KLF12: variants seen among roughly 807,000 people sequenced by gnomAD.
The protein encoded by KLF12 is Krueppel-like factor 12.
KLF12 carries 9 observed loss-of-function variants against 37.8 expected under a neutral mutation model. The observed-to-expected ratio is 0.24, with a 90% CI of 0.14 to 0.42. KLF12 has a LOEUF of 0.42. KLF12 is among the 10% of genes least tolerant of loss of function. The pLI is 1.00. For missense variants in KLF12, 411 were observed against 516.0 expected (o/e 0.80, Z 1.97); for synonymous variants, 208 against 202.1 (o/e 1.03, Z -0.25).
At chr13:73,972,388 CA>C (rs1416456027) in intron 2 of KLF12, among the ~76,000 whole-genome samples, 3 of 151,882 alleles carry the variant, frequency 2.0e-5, no homozygotes, top group Non-Finnish European at 4.4e-5. Flanking sequence ...ATAAAATTAT[CA>C]ATACAATTGA....
the KLF12 span, among the ~76,000 whole-genome samples, chr13:74,214,947 A>C: frequency 6.6e-6 from 1 of 151,880 alleles, no homozygotes; most frequent in African/African-American, 2.4e-5. Context: ...GGTGCACACC[A>C]CCACACCTGG....
chr13:74,004,571 T>G (rs1892363299), intron 1 of KLF12, among the ~76,000 whole-genome samples: 1 of 152,188 alleles, frequency 6.6e-6, no homozygotes, highest in African/African-American at 2.4e-5. Flanking sequence ...TGGTATCTTT[T>G]TTTGTAGAAA....
intron 6 of KLF12, among the ~76,000 whole-genome samples, chr13:73,738,106 T>TAAAC (rs1223436241): frequency 9.4e-6 from 1 of 106,634 alleles, no homozygotes; most frequent in African/African-American, 4.2e-5. Context: ...TATATATATA[T>TAAAC]ATATATATAT....
intron 6 of KLF12, 112 bp downstream of exon 6, chr13:73,764,824 TAG>T (rs1290628374): frequency 1.7e-6 from 1 of 599,854 alleles, no homozygotes; most frequent in African/African-American, 1.9e-5. Context: ...ATAGTCCAGT[TAG>T]CAGGTATGTA....
At chr13:73,808,263 G>A (rs141067226) in intron 5 of KLF12, among the ~76,000 whole-genome samples, 357 of 152,104 alleles carry the variant, frequency 2.3e-3, no homozygotes, top group African/African-American at 8.2e-3. Context: ...CACTGAATAC[G>A]TGATTTTTGA....
chr13:74,005,107 T>G (rs1370668014), intron 1 of KLF12, among the ~76,000 whole-genome samples: 11 of 152,170 alleles, frequency 7.2e-5, no homozygotes. Context: ...AAAAAGTAAT[T>G]TATGCATAGT....
intron 1 of KLF12, among the ~76,000 whole-genome samples, chr13:74,113,106 T>C (rs1325603682): frequency 6.6e-6 from 1 of 151,582 alleles, no homozygotes; most frequent in African/African-American, 2.4e-5. Flanking sequence ...CCAAGGGAGG[T>C]GAGAAAGTTG....
the KLF12 span, among the ~76,000 whole-genome samples, chr13:74,154,641 A>C: frequency 2.6e-5 from 3 of 113,282 alleles, no homozygotes; most frequent in African/African-American, 8.4e-5. Context: ...GGGTTGTGGA[A>C]AATGATGTAC....
intron 2 of KLF12, among the ~76,000 whole-genome samples, chr13:73,982,635 T>A (rs900188471): frequency 3.3e-5 from 5 of 152,026 alleles, no homozygotes; most frequent in Non-Finnish European, 5.9e-5. Flanking sequence ...ATAAATACAC[T>A]TGGTATAGGA....
chr13:73,915,443 C>T (rs1027615454), intron 3 of KLF12, among the ~76,000 whole-genome samples: 5 of 152,074 alleles, frequency 3.3e-5, no homozygotes, highest in African/African-American at 4.8e-5. Flanking sequence ...CTGCCTGAGC[C>T]CCACACACAA....
At chr13:74,128,364 G>A (rs1395139780) in intron 1 of KLF12, among the ~76,000 whole-genome samples, 3 of 150,474 alleles carry the variant, frequency 2.0e-5, no homozygotes, top group Non-Finnish European at 4.4e-5. Flanking sequence ...GGAGGGCAGT[G>A]TGGGGGCGGT....
chr13:73,808,783 A>C (rs185913042), intron 5 of KLF12, among the ~76,000 whole-genome samples: 8 of 152,356 alleles, frequency 5.3e-5, no homozygotes, highest in Admixed American at 4.6e-4. Flanking sequence ...ATGAGGCAAG[A>C]CTATGAGCAA....
At chr13:73,807,346 A>G (rs1440878099) in intron 5 of KLF12, among the ~76,000 whole-genome samples, 1 of 152,100 alleles carries the variant, frequency 6.6e-6, no homozygotes, top group Admixed American at 6.5e-5. Flanking sequence ...AATAGCAATA[A>G]GAGAAGTCTG....
At chr13:74,259,589 G>T in the KLF12 span, 3 of 152,074 alleles carry the variant, frequency 2.0e-5, no homozygotes, top group African/African-American at 7.2e-5. Context: ...CCCTCTTAAG[G>T]TTTTTTCTTT....
At chr13:74,033,397 C>A (rs1238416709) in intron 1 of KLF12, among the ~76,000 whole-genome samples, 1 of 152,084 alleles carries the variant, frequency 6.6e-6, no homozygotes, top group Non-Finnish European at 1.5e-5. Flanking sequence ...GTTATTTAGC[C>A]CCCTGTTATT....
chr13:74,234,946 C>A, the KLF12 span, among the ~76,000 whole-genome samples: 2 of 151,848 alleles, frequency 1.3e-5, no homozygotes, highest in South Asian at 2.1e-4. Flanking sequence ...AGTACTCACT[C>A]TCTATCTACC....
At chr13:74,243,246 G>A in the KLF12 span, among the ~76,000 whole-genome samples, 3 of 151,912 alleles carry the variant, frequency 2.0e-5, no homozygotes, top group Non-Finnish European at 4.4e-5. Flanking sequence ...GAGAGTGATG[G>A]TTTCCAGCTT....
At chr13:73,790,825 C>A (rs1881642125) in intron 5 of KLF12, among the ~76,000 whole-genome samples, 1 of 152,236 alleles carries the variant, frequency 6.6e-6, no homozygotes, top group African/African-American at 2.4e-5. Context: ...GACTTGCACA[C>A]AGGGCCAGCC....
chr13:73,992,296 G>T (rs1891989600), intron 2 of KLF12, among the ~76,000 whole-genome samples: 1 of 152,198 alleles, frequency 6.6e-6, no homozygotes, highest in African/African-American at 2.4e-5. Context: ...TTTTATGCTG[G>T]TATTTGTGAG....
Sources: allele counts gnomAD v4.1 joint callset (sites outside exome capture counted in the v4.1 genomes callset), GRCh38; gene constraint gnomAD v4.1.1; transcripts MANE v1.5; gene names NCBI Gene and HGNC (gene_info 2026-07-23, HGNC 2026-07-21).